Variants in LOC128462377 observed in about 807,000 individuals in gnomAD.
the LOC128462377 span, among the ~76,000 whole-genome samples, chr16:89,385,232 C>T: frequency 6.6e-6 from 1 of 151,588 alleles, no homozygotes; most frequent in Non-Finnish European, 1.5e-5. Flanking sequence ...CTCTGTCACC[C>T]AGGCTGGAGT....
the LOC128462377 span, among the ~76,000 whole-genome samples, chr16:89,363,689 C>G: frequency 6.6e-6 from 1 of 152,130 alleles, no homozygotes; most frequent in Non-Finnish European, 1.5e-5. Context: ...GTGTATGTGG[C>G]CCAGGCCCCT....
At chr16:89,413,718 C>A in the LOC128462377 span, among the ~76,000 whole-genome samples, 1 of 152,198 alleles carries the variant, frequency 6.6e-6, no homozygotes, top group Non-Finnish European at 1.5e-5. Context: ...TGTCAGCAGC[C>A]GCCAGGAACC....
chr16:89,364,373 G>GTATT, the LOC128462377 span, among the ~76,000 whole-genome samples: 1 of 152,184 alleles, frequency 6.6e-6, no homozygotes, highest in Non-Finnish European at 1.5e-5. Flanking sequence ...AAGACACCAT[G>GTATT]TATTGTCTTA....
the LOC128462377 span, among the ~76,000 whole-genome samples, chr16:89,414,232 A>AT: frequency 6.6e-6 from 1 of 152,240 alleles, no homozygotes; most frequent in Admixed American, 6.5e-5. Flanking sequence ...GCCTCTTTTC[A>AT]TATGAACAAC....
chr16:89,379,246 CT>C, the LOC128462377 span, among the ~76,000 whole-genome samples: 13 of 152,230 alleles, frequency 8.5e-5, no homozygotes, highest in African/African-American at 3.1e-4. Flanking sequence ...CAGGCTCATG[CT>C]TTTTTAATCC....
At chr16:89,359,620 C>T in the LOC128462377 span, among the ~76,000 whole-genome samples, 1 of 152,210 alleles carries the variant, frequency 6.6e-6, no homozygotes, top group Admixed American at 6.5e-5. Context: ...CACAGAGCTG[C>T]TCATTTCAGC....
the LOC128462377 span, among the ~76,000 whole-genome samples, chr16:89,338,726 C>CAAAAAAAAA: frequency 9.1e-5 from 4 of 43,796 alleles, no homozygotes; most frequent in South Asian, 1.4e-3. Context: ...CACTCAGTCT[C>CAAAAAAAAA]AAAAAAAAAA....
chr16:89,341,646 G>A, the LOC128462377 span, among the ~76,000 whole-genome samples: 1 of 152,198 alleles, frequency 6.6e-6, no homozygotes, highest in East Asian at 1.9e-4. Flanking sequence ...GTTAACACTG[G>A]GAGCAATGCC....
the LOC128462377 span, among the ~76,000 whole-genome samples, chr16:89,389,149 G>A: frequency 6.6e-6 from 1 of 152,062 alleles, no homozygotes; most frequent in African/African-American, 2.4e-5. Flanking sequence ...CTTCTGAGTG[G>A]CTGGGATGAC....
chr16:89,366,346 G>A, the LOC128462377 span, among the ~76,000 whole-genome samples: 3 of 152,154 alleles, frequency 2.0e-5, no homozygotes, highest in Admixed American at 1.3e-4. Flanking sequence ...TATATACCCA[G>A]TAATGAGACT....
chr16:89,349,869 C>A, the LOC128462377 span, among the ~76,000 whole-genome samples: 1 of 77,928 alleles, frequency 1.3e-5, no homozygotes, highest in Admixed American at 1.1e-4. Flanking sequence ...AAAACACACA[C>A]ACACACACAC....
the LOC128462377 span, among the ~76,000 whole-genome samples, chr16:89,329,423 A>G: frequency 6.6e-6 from 1 of 152,192 alleles, no homozygotes; most frequent in Non-Finnish European, 1.5e-5. Context: ...AAAAAACACA[A>G]GGGGTGTAAG....
At chr16:89,383,633 C>G in the LOC128462377 span, among the ~76,000 whole-genome samples, 1 of 152,132 alleles carries the variant, frequency 6.6e-6, no homozygotes, top group Non-Finnish European at 1.5e-5. Context: ...TGCCCTCGGA[C>G]CAGCAACGCA....
the LOC128462377 span, among the ~76,000 whole-genome samples, chr16:89,409,984 C>A: frequency 1.3e-5 from 2 of 152,176 alleles, no homozygotes; most frequent in East Asian, 3.9e-4. Context: ...GGACTACAGG[C>A]GCCCGCCACC....
chr16:89,403,134 G>A, the LOC128462377 span, among the ~76,000 whole-genome samples: 2 of 152,160 alleles, frequency 1.3e-5, no homozygotes, highest in African/African-American at 2.4e-5. Context: ...ACGTGCCCTC[G>A]TGCTTTCAGG....
the LOC128462377 span, chr16:89,396,054 G>C: frequency 6.6e-6 from 1 of 152,176 alleles, no homozygotes; most frequent in African/African-American, 2.4e-5. Context: ...AGTACTGGCA[G>C]ATCATTTCTA....
chr16:89,414,270 C>T, the LOC128462377 span, among the ~76,000 whole-genome samples: 2 of 152,218 alleles, frequency 1.3e-5, no homozygotes, highest in Non-Finnish European at 2.9e-5. Context: ...TAACAAACCA[C>T]TTTCAAAACC....
the LOC128462377 span, among the ~76,000 whole-genome samples, chr16:89,375,818 T>C: frequency 6.6e-6 from 1 of 150,504 alleles, no homozygotes; most frequent in Non-Finnish European, 1.5e-5. Flanking sequence ...GTCTTTTTCA[T>C]TGTGTTTACT....
At chr16:89,330,660 GGGGGGGGGGGGGGGGC>G in the LOC128462377 span, among the ~76,000 whole-genome samples, 1 of 10,806 alleles carries the variant, frequency 9.3e-5, no homozygotes, top group African/African-American at 2.4e-4. Context: ...CAGTGACTGG[GGGGGGGGGGGGGGGGC>G]GGGGGCGGAG....
Sources: gnomAD v4.1 joint callset for allele counts (sites outside exome capture counted in the v4.1 genomes callset) on GRCh38, gnomAD v4.1.1 for gene constraint, MANE v1.5 for transcripts.